Variants in CA12 observed in about 807,000 individuals in gnomAD.
CA12 encodes carbonic anhydrase 12.
Under a neutral mutation model 46.8 loss-of-function variants are expected in CA12, and 36 were observed. The ratio of observed to expected loss-of-function variants is 0.77; its 90% CI spans 0.59 to 1.02. The LOEUF is 1.02. Among genes scored for constraint, CA12 ranks in the 50% least tolerant of loss-of-function variants. The pLI is 0.00. For missense variants in CA12, 436 were observed against 451.4 expected (o/e 0.97, Z 0.31); for synonymous variants, 202 against 187.0 (o/e 1.08, Z -0.65).
intron 1 of CA12, among the ~76,000 whole-genome samples, chr15:63,377,157 G>A (rs1171885237): frequency 3.9e-5 from 6 of 152,080 alleles, no homozygotes; most frequent in Non-Finnish European, 8.8e-5. Context: ...CCTGCCTGCC[G>A]GCCTTCCTCT....
chr15:63,332,556 T>G (rs1160742631), intron 8 of CA12, among the ~76,000 whole-genome samples: 1 of 152,110 alleles, frequency 6.6e-6, no homozygotes, highest in African/African-American at 2.4e-5. Context: ...AAAGAATGGG[T>G]GGTGGGACGG....
rs756339202 is a variant in CA12, at chr15:63,340,458, G to A, written c.590-13C>T. ...AATGCTTCCTGGCCTAGAGAGACAT[G>A]TTGCAGAGGTGATAGTGTCAGCCTC... On this transcript the variant is annotated splice_polypyrimidine_tract_variant and intron_variant, in intron 6 of 10. Coordinates refer to ENST00000178638, the MANE Select transcript of CA12 (RefSeq NM_001218.5). This position sits in a 1 kb window ranked among gnomAD's most constrained non-coding sequence, Gnocchi z 4.4. 4 of 1,614,056 alleles carry A rather than the reference G, an allele frequency of 2.5e-6. No homozygotes were observed. The highest frequency in any genetic ancestry group is 1.3e-5 in the African/African-American group (1 of 74,916).
At chr15:63,376,024 GTCTCA>G (rs1478455814) in intron 1 of CA12, among the ~76,000 whole-genome samples, 1 of 152,118 alleles carries the variant, frequency 6.6e-6, no homozygotes, top group African/African-American at 2.4e-5. Context: ...GGTCAGGCTG[GTCTCA>G]AACTCCCGAC....
Position 63,348,829 on chromosome 15 carries a change from C to T in CA12, c.107-2120G>A, listed in dbSNP as rs1325438196. On this transcript the variant is annotated intron_variant, in intron 2 of 10. Coordinates refer to ENST00000178638, the MANE Select transcript of CA12 (RefSeq NM_001218.5). This position sits in a 1 kb window ranked among gnomAD's most constrained non-coding sequence, Gnocchi z 4.6. ...TATTATAAGTAGGGTCACGTGCCCC[C>T]ATGGGCATTTAGGAAACATTTTCCC... is the stretch of plus-strand genomic sequence containing the variant. Among the ~76,000 whole-genome samples the T allele has an allele frequency of 6.6e-6, 1 of 152,208 alleles. No homozygotes were observed. Among genetic ancestry groups the T allele is most frequent in the African/African-American group, 2.4e-5 (1 of 41,462 alleles).
At chr15:63,354,974 C>T (rs951152888) in intron 2 of CA12, among the ~76,000 whole-genome samples, 6 of 152,294 alleles carry the variant, frequency 3.9e-5, no homozygotes, top group Admixed American at 1.3e-4. Flanking sequence ...CAGGTTCCTT[C>T]TGGAGATGAG....
Position 63,331,640 on chromosome 15 carries a change from C to T in CA12, c.875-3510G>A, listed in dbSNP as rs2038939100. The T allele has an allele frequency of 6.6e-6, 1 of 152,214 alleles. No homozygotes were observed. Among genetic ancestry groups the T allele is most frequent in the Non-Finnish European group, 1.5e-5 (1 of 68,100 alleles). The allele number at this position is 152,214 out of a possible 1,614,324, so 9.4% of individuals were successfully genotyped here. A position where few individuals can be genotyped will look rare whatever the true frequency, so the allele number is the denominator to read the frequency against. ...TGACTCAGGGCGAGCAGAGAGACGGCAGTGTGACACACACAAGGAAACCAC... is the reference window on the plus strand; with the variant it reads ...TGACTCAGGGCGAGCAGAGAGACGGTAGTGTGACACACACAAGGAAACCAC... On this transcript the variant is annotated intron_variant, in intron 8 of 10. Coordinates refer to ENST00000178638, the MANE Select transcript of CA12 (RefSeq NM_001218.5). This position sits in a 1 kb window ranked among gnomAD's most constrained non-coding sequence, Gnocchi z 5.3.
At chr15:63,353,486 T>C (rs2039259147) in intron 2 of CA12, among the ~76,000 whole-genome samples, 2 of 152,182 alleles carry the variant, frequency 1.3e-5, no homozygotes, top group African/African-American at 4.8e-5. Flanking sequence ...AAGGCTGAGC[T>C]AGGATCATTT....
rs138906224 is a variant in CA12 at position 63,348,375 on chromosome 15, C to T, written c.107-1666G>A. Among the ~76,000 whole-genome samples, 88 of 152,276 alleles carry T rather than the reference C, an allele frequency of 5.8e-4. No homozygotes were observed. Among genetic ancestry groups the T allele is most frequent in the African/African-American group, 2.0e-3 (83 of 41,554 alleles). ...CTGGAGGATATCAAAGCAGGCACTC[C>T]AGGGCCAAACTGGAGTAAGACAATT... On this transcript the variant is annotated intron_variant, in intron 2 of 10. Coordinates refer to ENST00000178638, the MANE Select transcript of CA12 (RefSeq NM_001218.5). The surrounding 1 kb of genome is among the most constrained non-coding windows in gnomAD (Gnocchi z 4.6).
chr15:63,333,696 T>C (rs139234450), intron 8 of CA12, among the ~76,000 whole-genome samples: 388 of 152,346 alleles, frequency 2.5e-3, no homozygotes, highest in African/African-American at 8.7e-3. Flanking sequence ...TCTGATTTCC[T>C]TCTCCCTCCT....
At chr15:63,347,803 C>G (rs918299714) in intron 2 of CA12, among the ~76,000 whole-genome samples, 5 of 152,152 alleles carry the variant, frequency 3.3e-5, no homozygotes, top group Non-Finnish European at 7.3e-5. Context: ...CCTGTGGGCT[C>G]TATCAGAGCT....
Position 63,326,240 on chromosome 15 carries a change from C to T in CA12, c.*45G>A, listed in dbSNP as rs2038864408. On this transcript the variant is annotated 3_prime_UTR_variant, in exon 11 of 11. Coordinates refer to ENST00000178638, the MANE Select transcript of CA12 (RefSeq NM_001218.5). ...TCCAGAGAGCCGAAGTGTGTAGGGT[C>T]CAAAGCAAGGTCCTTCCTGGATGTG... The T allele has an allele frequency of 6.7e-7, 1 of 1,482,998 alleles. No individual in the cohort carries two copies. Among genetic ancestry groups the T allele is most frequent in the Non-Finnish European group, 9.4e-7 (1 of 1,060,756 alleles). The allele number at this position is 1,482,998 out of a possible 1,614,324, so 91.9% of individuals were successfully genotyped here.
At chr15:63,342,633 T>C (rs2039095260) in intron 4 of CA12, among the ~76,000 whole-genome samples, 1 of 152,158 alleles carries the variant, frequency 6.6e-6, no homozygotes, top group Non-Finnish European at 1.5e-5. Flanking sequence ...GAGGGTATAA[T>C]GGGTCATGTC....
intron 2 of CA12, among the ~76,000 whole-genome samples, chr15:63,371,634 G>A (rs16946959): frequency 0.075 from 11,364 of 152,282 alleles, 545 homozygotes; most frequent in African/African-American, 0.13. Flanking sequence ...CCATCCCATC[G>A]CGTTTAAGAC....
Position 63,345,583 on chromosome 15 carries a change from C to T in CA12, c.323G>A (p.Gly108Asp). Residue 108 changes from glycine to aspartate, a missense_variant, in exon 4 of 11, where the codon GGC becomes GAC. Transcript: ENST00000178638. This position sits in a 1 kb window ranked among gnomAD's most constrained non-coding sequence, Gnocchi z 4.3. ...CGTGGCACTGTAGCGAGACTGGAGG[C>T]CCTGGATGTGCATGTCCGAGGGCAG... Reference protein sequence around the residue: ...LNLPSDMHIQGLQSRYSATQL... With the variant: ...LNLPSDMHIQDLQSRYSATQL... The T allele has an allele frequency of 6.2e-7, 1 of 1,613,418 alleles. No homozygotes were observed. The highest frequency in any genetic ancestry group is 1.1e-5 in the South Asian group (1 of 91,062).
intron 2 of CA12, among the ~76,000 whole-genome samples, chr15:63,370,857 T>G (rs557530320): frequency 1.3e-5 from 2 of 152,114 alleles, no homozygotes; most frequent in African/African-American, 4.8e-5. Flanking sequence ...CCCTTATTCA[T>G]CCTCAGGATG....
chr15:63,360,879 T>C (rs2039353636), intron 2 of CA12, among the ~76,000 whole-genome samples: 3 of 152,198 alleles, frequency 2.0e-5, no homozygotes, highest in African/African-American at 7.2e-5. Context: ...TACCAGCCCA[T>C]TGAAGGTAAG....
rs772871785 is a variant in CA12 at position 63,381,743 on chromosome 15, G to T, written c.-23C>A. The T allele has an allele frequency of 3.9e-6, 6 of 1,542,890 alleles. No homozygotes were observed. The highest frequency in any genetic ancestry group is 3.5e-6 in the Non-Finnish European group (4 of 1,141,258). ...CATCTTCGCGGGCTCCTGCGGGGCG[G>T]GCGCGGGCTGTGCCGGGGGCTCCCG... On this transcript the variant is annotated 5_prime_UTR_variant, in exon 1 of 11. Transcript: ENST00000178638.
chr15:63,357,213 T>A (rs182550354), intron 2 of CA12, among the ~76,000 whole-genome samples: 1 of 152,308 alleles, frequency 6.6e-6, no homozygotes, highest in East Asian at 1.9e-4. Context: ...AGAACTTGAG[T>A]GCACAATCAG....
intron 1 of CA12, among the ~76,000 whole-genome samples, chr15:63,380,657 T>C (rs541029012): frequency 6.6e-6 from 1 of 152,210 alleles, no homozygotes; most frequent in African/African-American, 2.4e-5. Flanking sequence ...GGAATTTAAT[T>C]AAGAGTTATC....
Sources: allele counts gnomAD v4.1 joint callset (sites outside exome capture counted in the v4.1 genomes callset), GRCh38; gene constraint gnomAD v4.1.1; non-coding constraint Gnocchi (gnomAD v3.1); transcripts MANE v1.5; gene names NCBI Gene and HGNC (gene_info 2026-07-23, HGNC 2026-07-21).